The following SEMA3A variants were observed in gnomAD, a reference collection of about 807,000 sequenced individuals.
The protein encoded by SEMA3A is semaphorin-3A.
In SEMA3A, 29 loss-of-function variants were observed where a neutral mutation model predicts 97.9. That is an observed-to-expected ratio of 0.30 (90% CI 0.22 to 0.40). SEMA3A has a LOEUF of 0.40. Among genes scored for constraint, SEMA3A ranks in the 10% least tolerant of loss-of-function variants. The probability of loss-of-function intolerance (pLI) is 1.00; values close to 1 mark genes in which losing one functional copy is unlikely to be tolerated. For synonymous variants in SEMA3A, 321 were observed against 323.7 expected, an observed-to-expected ratio of 0.99 and a Z score of 0.09; for missense variants, 763 against 951.3, an observed-to-expected ratio of 0.80 and a Z score of 2.60.
At chr7:84,283,225 C>A (rs190082073) in intron 3 of SEMA3A, among the ~76,000 whole-genome samples, 1 of 151,958 alleles carries the variant, frequency 6.6e-6, no homozygotes, top group Non-Finnish European at 1.5e-5. Flanking sequence ...AACATCATAC[C>A]ATTCTAGAAG....
At chr7:84,203,522 ATATATT>A (rs1314967453) in intron 3 of SEMA3A, among the ~76,000 whole-genome samples, 6 of 43,626 alleles carry the variant, frequency 1.4e-4, no homozygotes, top group South Asian at 9.7e-4. Flanking sequence ...ATATATATAT[ATATATT>A]TTTTTTTTTT....
At chr7:84,069,389 A>T (rs1793658914) in intron 4 of SEMA3A, among the ~76,000 whole-genome samples, 1 of 152,142 alleles carries the variant, frequency 6.6e-6, no homozygotes, top group South Asian at 2.1e-4. Flanking sequence ...CTTGAAACAG[A>T]TTTATTAATT....
intron 5 of SEMA3A, among the ~76,000 whole-genome samples, chr7:84,048,361 TA>T (rs1792445308): frequency 6.6e-6 from 1 of 152,036 alleles, no homozygotes; most frequent in Non-Finnish European, 1.5e-5. Context: ...TTGAAATACA[TA>T]AATGCCTATT....
At chr7:84,267,224 T>C (rs968229791) in intron 3 of SEMA3A, among the ~76,000 whole-genome samples, 2 of 152,064 alleles carry the variant, frequency 1.3e-5, no homozygotes, top group African/African-American at 4.8e-5. Context: ...TTTAAAAAAG[T>C]CTAAAATCCA....
chr7:84,315,165 G>A, intron 2 of SEMA3A, among the ~76,000 whole-genome samples: 1 of 152,036 alleles, frequency 6.6e-6, no homozygotes, highest in Admixed American at 6.6e-5. Context: ...GAAATTTAAA[G>A]ATTATAAATG....
chr7:84,331,222 A>C (rs1386285301), intron 2 of SEMA3A, among the ~76,000 whole-genome samples: 3 of 152,238 alleles, frequency 2.0e-5, no homozygotes, highest in Middle Eastern at 3.4e-3. Flanking sequence ...AAACAGAAGT[A>C]TCTAAGATGA....
chr7:84,304,732 C>G (rs973722076), intron 3 of SEMA3A, among the ~76,000 whole-genome samples: 1 of 151,934 alleles, frequency 6.6e-6, no homozygotes, highest in African/African-American at 2.4e-5. Flanking sequence ...CACAAGCGAT[C>G]ATATCCCTAC....
intron 2 of SEMA3A, among the ~76,000 whole-genome samples, chr7:84,329,657 A>C (rs949393284): frequency 3.9e-5 from 6 of 152,078 alleles, no homozygotes; most frequent in Non-Finnish European, 8.8e-5. Flanking sequence ...CCAGGTGAAC[A>C]ATAATGAGAT....
chr7:84,257,258 G>A (rs1799737974), intron 3 of SEMA3A, among the ~76,000 whole-genome samples: 1 of 150,894 alleles, frequency 6.6e-6, no homozygotes, highest in African/African-American at 2.4e-5. Context: ...AACAGGCTGG[G>A]CACTTTAATT....
intron 1 of SEMA3A, among the ~76,000 whole-genome samples, chr7:84,182,973 T>A (rs1335926168): frequency 6.6e-6 from 1 of 152,116 alleles, no homozygotes; most frequent in Non-Finnish European, 1.5e-5. Flanking sequence ...TAATATAATC[T>A]CCAAAGCAAG....
intron 3 of SEMA3A, among the ~76,000 whole-genome samples, chr7:84,127,419 A>C (rs554753177): frequency 3.3e-5 from 5 of 152,076 alleles, no homozygotes; most frequent in African/African-American, 1.2e-4. Flanking sequence ...CTTAGCTATA[A>C]ATTTCCACTT....
chr7:84,092,702 T>C, intron 4 of SEMA3A, among the ~76,000 whole-genome samples: 1 of 152,084 alleles, frequency 6.6e-6, no homozygotes, highest in East Asian at 1.9e-4. Context: ...GCCAGATTGG[T>C]TTTACCAAAA....
chr7:84,099,685 C>T (rs1794896912), intron 4 of SEMA3A, among the ~76,000 whole-genome samples: 1 of 151,984 alleles, frequency 6.6e-6, no homozygotes, highest in Admixed American at 6.6e-5. Context: ...AGTGTCATCA[C>T]CTCAGTTATA....
chr7:84,204,795 C>A (rs1281407086), intron 3 of SEMA3A, among the ~76,000 whole-genome samples: 8 of 152,092 alleles, frequency 5.3e-5, no homozygotes, highest in Non-Finnish European at 1.0e-4. Flanking sequence ...GCAGAGAAAC[C>A]ATGACTTAGA....
intron 3 of SEMA3A, among the ~76,000 whole-genome samples, chr7:84,121,991 T>C (rs1344757555): frequency 7.0e-6 from 1 of 143,336 alleles, no homozygotes; most frequent in Non-Finnish European, 1.5e-5. Flanking sequence ...TACATTTGCA[T>C]GTGTCTTTAT....
intron 1 of SEMA3A, among the ~76,000 whole-genome samples, chr7:84,428,445 A>G (rs1016092838): frequency 4.6e-5 from 7 of 152,094 alleles, no homozygotes; most frequent in Non-Finnish European, 1.0e-4. Flanking sequence ...CAAACATAAC[A>G]GCTATCCATC....
At position 84,313,350 on chromosome 7, in the gene SEMA3A, GTGTGTGTATATA is replaced by G. The variant is rs1261876784; in HGVS notation, c.-168-6070_-168-6059del. 1.7e-3 allele frequency among the ~76,000 whole-genome samples: 67 copies of G among 38,674 alleles called. 2 individuals carry two copies. The highest frequency in any genetic ancestry group is 5.3e-3 in the African/African-American group (58 of 11,040). 25.4% of individuals were successfully genotyped at this position (38,674 alleles called of 152,430 possible). A position where few individuals can be genotyped will look rare whatever the true frequency, so the allele number is the denominator to read the frequency against. On this transcript the variant is annotated intron_variant, in intron 2 of 3. Coordinates refer to the SEMA3A transcript ENST00000424555. ...AATACATATATATATATGTATATGTGTGTGTGTATATATATATATATATATATATATATATAT... is the reference window on the plus strand; with the variant it reads ...AATACATATATATATATGTATATGTGTATATATATATATATATATATATAT...
chr7:84,394,502 C>T (rs1209090155), intron 1 of SEMA3A, among the ~76,000 whole-genome samples: 1 of 152,040 alleles, frequency 6.6e-6, no homozygotes, highest in Non-Finnish European at 1.5e-5. Context: ...TTTCTAGAAT[C>T]CCAGCTGTCT....
chr7:84,331,140 A>G (rs1801900961), intron 2 of SEMA3A, among the ~76,000 whole-genome samples: 1 of 152,120 alleles, frequency 6.6e-6, no homozygotes, highest in South Asian at 2.1e-4. Context: ...TTTCTGAGTA[A>G]TCTCCAAATC....
Sources: allele counts gnomAD v4.1 joint callset (sites outside exome capture counted in the v4.1 genomes callset), GRCh38; gene constraint gnomAD v4.1.1; transcripts MANE v1.5; gene names NCBI Gene and HGNC (gene_info 2026-07-23, HGNC 2026-07-21).